Variants in PCDH15 observed in about 807,000 individuals in gnomAD.
PCDH15 encodes the protein protocadherin-15.
In PCDH15, 129 loss-of-function variants were observed where a neutral mutation model predicts 178.5. That is an observed-to-expected ratio of 0.72 (90% CI 0.63 to 0.84). The LOEUF (loss-of-function observed/expected upper bound fraction) is 0.84, where lower values mean the gene tolerates loss of function less well. PCDH15 is among the 40% of genes least tolerant of loss of function. The pLI, the probability that PCDH15 is intolerant of heterozygous loss-of-function variation, is 0.00. For missense variants in PCDH15, 2,230 were observed against 2,099.9 expected (o/e 1.06, Z -1.21); for synonymous variants, 800 against 732.0 (o/e 1.09, Z -1.50).
rs74735587 is a variant in PCDH15 at position 54,952,162 on chromosome 10, C to T, written c.-79-54662G>A. Reference sequence around the variant, plus strand: ...TATAGTTTTAAGTTTTACATTGGGGCCTATAATCCATTTTGAACTAATTTT... The same window carrying T: ...TATAGTTTTAAGTTTTACATTGGGGTCTATAATCCATTTTGAACTAATTTT... On this transcript the variant is annotated intron_variant, in intron 2 of 5. Transcript: ENST00000458638. Among the ~76,000 whole-genome samples, 965 of 151,862 alleles carry T rather than the reference C, an allele frequency of 6.4e-3. 11 individuals are homozygous for T. The highest frequency in any genetic ancestry group is 0.022 in the African/African-American group (912 of 41,456).
At chr10:54,189,262 T>C (rs1322686657) in intron 11 of PCDH15, 1 of 823,254 alleles carries the variant, frequency 1.2e-6, no homozygotes. Flanking sequence ...TAAGGGATAA[T>C]GAAGTAATAC....
chr10:54,230,531 G>A (rs1376759385), intron 9 of PCDH15, among the ~76,000 whole-genome samples: 1 of 151,960 alleles, frequency 6.6e-6, no homozygotes, highest in African/African-American at 2.4e-5. Context: ...TGTGATATAT[G>A]CATTGAGGAA....
At chr10:55,345,356 T>G (rs1844723781) in intron 2 of PCDH15, among the ~76,000 whole-genome samples, 1 of 152,014 alleles carries the variant, frequency 6.6e-6, no homozygotes, top group Non-Finnish European at 1.5e-5. Flanking sequence ...ATCTCAGTGT[T>G]TGAGGATGCT....
chr10:54,702,460 A>G (rs547319303), intron 1 of PCDH15, among the ~76,000 whole-genome samples: 2 of 151,294 alleles, frequency 1.3e-5, no homozygotes, highest in East Asian at 3.9e-4. Flanking sequence ...TAAGATTGAT[A>G]AGTAGGCTAC....
intron 3 of PCDH15, among the ~76,000 whole-genome samples, chr10:54,413,533 G>A (rs1186740050): frequency 6.6e-6 from 1 of 152,014 alleles, no homozygotes. Context: ...GTATAAATAT[G>A]ATAAAAAGTA....
chr10:55,057,837 C>G (rs982548322), intron 2 of PCDH15, among the ~76,000 whole-genome samples: 8 of 152,054 alleles, frequency 5.3e-5, no homozygotes, highest in Admixed American at 3.9e-4. Flanking sequence ...ATTGTTATAC[C>G]TATTTTATTT....
rs191216488 is a variant in PCDH15, at chr10:54,870,576, G to A, written c.-29+26874C>T. 3.0e-4 allele frequency among the ~76,000 whole-genome samples: 46 copies of A among 152,206 alleles called. No homozygotes were observed. In the East Asian group the frequency reaches 8.5e-3, roughly 28 times the overall value. ...CGAGGTGGGCGGATCACGAGGTCAG[G>A]AGATCGAGCCCATCCTGGCTAACAC... On this transcript the variant is annotated intron_variant, in intron 3 of 5. Coordinates refer to the PCDH15 transcript ENST00000458638.
At chr10:55,457,664 C>T (rs1839583929) in intron 2 of PCDH15, among the ~76,000 whole-genome samples, 1 of 151,954 alleles carries the variant, frequency 6.6e-6, no homozygotes, top group African/African-American at 2.4e-5. Context: ...GACCTGGTAC[C>T]AAGATACCCC....
At chr10:54,144,812 AT>A (rs1722194078) in intron 14 of PCDH15, among the ~76,000 whole-genome samples, 1 of 152,170 alleles carries the variant, frequency 6.6e-6, no homozygotes, top group African/African-American at 2.4e-5. Flanking sequence ...AATGGAAAAG[AT>A]TTGCTGACTG....
At chr10:55,243,810 T>C (rs374833101) in intron 1 of PCDH15, among the ~76,000 whole-genome samples, 3 of 152,168 alleles carry the variant, frequency 2.0e-5, no homozygotes, top group East Asian at 3.8e-4. Flanking sequence ...ACATTGGGCA[T>C]GAAGTACCTT....
rs570204025 is a variant in PCDH15 at position 54,074,907 on chromosome 10, G to A, written c.2091+4424C>T. Among the ~76,000 whole-genome samples the A allele has an allele frequency of 6.7e-4, 102 of 152,008 alleles. 1 individual carries two copies. The highest frequency in any genetic ancestry group is 1.0e-3 in the Non-Finnish European group (71 of 67,950). The stretch of plus-strand genomic sequence containing the variant: ...TTTTCTGTTTGTTTTTTATAATAGC[G>A]TCTCTACTGGGTGTGAGGTGGCACC... On this transcript the variant is annotated intron_variant, in intron 17 of 37. Coordinates refer to ENST00000644397, the MANE Select transcript of PCDH15 (RefSeq NM_001384140.1).
intron 2 of PCDH15, among the ~76,000 whole-genome samples, chr10:55,146,056 C>T (rs1838501139): frequency 6.6e-6 from 1 of 151,796 alleles, no homozygotes; most frequent in African/African-American, 2.4e-5. Flanking sequence ...TCTGTATAAT[C>T]AGCTGATAGA....
At chr10:55,619,787 T>C (rs1843553068) in intron 2 of PCDH15, among the ~76,000 whole-genome samples, 1 of 152,040 alleles carries the variant, frequency 6.6e-6, no homozygotes, top group Non-Finnish European at 1.5e-5. Flanking sequence ...GAAAATGTAG[T>C]ATCCAATGTA....
chr10:55,580,093 G>A (rs1319314572), intron 2 of PCDH15, among the ~76,000 whole-genome samples: 1 of 152,060 alleles, frequency 6.6e-6, no homozygotes, highest in Non-Finnish European at 1.5e-5. Context: ...CTGACCTCAG[G>A]TGATCCACCC....
intron 3 of PCDH15, among the ~76,000 whole-genome samples, chr10:54,816,195 T>G (rs746449660): frequency 7.9e-5 from 12 of 152,098 alleles, no homozygotes; most frequent in Non-Finnish European, 1.6e-4. Context: ...TGAAAGTGCC[T>G]GACATATTGG....
At chr10:54,098,020 T>C (rs561609745) in intron 15 of PCDH15, among the ~76,000 whole-genome samples, 1 of 152,170 alleles carries the variant, frequency 6.6e-6, no homozygotes, top group Non-Finnish European at 1.5e-5. Flanking sequence ...CTAACTTTAA[T>C]ATACTGAAGG....
intron 17 of PCDH15, among the ~76,000 whole-genome samples, chr10:54,073,839 A>T (rs1034045237): frequency 2.6e-5 from 4 of 152,220 alleles, no homozygotes; most frequent in African/African-American, 9.6e-5. Flanking sequence ...ATTTATTTAT[A>T]TCTTTCACTG....
At chr10:53,870,609 G>A (rs1043964017) in intron 26 of PCDH15, among the ~76,000 whole-genome samples, 4 of 152,108 alleles carry the variant, frequency 2.6e-5, no homozygotes, top group Admixed American at 2.0e-4. Flanking sequence ...AATTTAAACA[G>A]TGACTGATGA....
intron 2 of PCDH15, among the ~76,000 whole-genome samples, chr10:55,335,129 A>C (rs2132315279): frequency 6.6e-6 from 1 of 152,298 alleles, no homozygotes. Context: ...CTGATTCCCA[A>C]GAATAAGGAC....
Sources: gnomAD v4.1 joint callset for allele counts (sites outside exome capture counted in the v4.1 genomes callset) on GRCh38, gnomAD v4.1.1 for gene constraint, MANE v1.5 for transcripts, NCBI Gene and HGNC (gene_info 2026-07-23, HGNC 2026-07-21) for gene names.